The following PNMA6E variants were observed in gnomAD, a reference collection of about 807,000 sequenced individuals.
PNMA6E encodes paraneoplastic antigen Ma6E.
For missense variants in PNMA6E, 78 were observed against 50.8 expected, an observed-to-expected ratio of 1.53 and a Z score of -1.63; for synonymous variants, 43 against 17.1, an observed-to-expected ratio of 2.52 and a Z score of -3.74.
the PNMA6E span, among the ~76,000 whole-genome samples, chrX:153,410,223 G>C: frequency 9.0e-6 from 1 of 111,331 alleles, no homozygotes; most frequent in Non-Finnish European, 1.9e-5. Context: ...CTTGGATTTG[G>C]GGCCCCCTGG....
rs1222856194 is a variant in PNMA6E at position 153,396,528 on chromosome X, G to A, written c.*378C>T. ...AGAGACCCAGGCAGCTGGCAACCTT[G>A]AGAGGGCCTCTTTCCCCCTGTCTCT... On this transcript the variant is annotated 3_prime_UTR_variant, in exon 2 of 2. Coordinates refer to ENST00000445091, the MANE Select transcript of PNMA6E (RefSeq NM_001367770.1). 1 of 117,864 alleles carries A rather than the reference G, an allele frequency of 8.5e-6. No homozygotes were observed. Among genetic ancestry groups the A allele is most frequent in the Non-Finnish European group, 1.8e-5 (1 of 56,918 alleles). 9.7% of individuals were successfully genotyped at this position (117,864 alleles called of 1,213,427 possible). A position where few individuals can be genotyped will look rare whatever the true frequency, so the allele number is the denominator to read the frequency against.
At chrX:153,402,325 T>C (rs1366857866), upstream of PNMA6E, among the ~76,000 whole-genome samples, 2 of 112,054 alleles carry the variant, frequency 1.8e-5, no homozygotes, top group African/African-American at 6.5e-5. Context: ...CCTTTTATTT[T>C]ACCTTTTCAG....
the PNMA6E span, among the ~76,000 whole-genome samples, chrX:153,409,312 T>C: frequency 2.6e-4 from 29 of 112,747 alleles, no homozygotes; most frequent in Non-Finnish European, 5.3e-4. Flanking sequence ...AGGTTCTGAA[T>C]CCGGGTTTGC....
upstream of PNMA6E, among the ~76,000 whole-genome samples, chrX:153,404,482 G>A (rs1364338954): frequency 1.8e-5 from 2 of 110,577 alleles, no homozygotes; most frequent in Non-Finnish European, 3.8e-5. Context: ...ATGAGTCATT[G>A]TTTGTTATTG....
At chrX:153,400,834 T>G in intron 1 of PNMA6E, among the ~76,000 whole-genome samples, 1 of 3,696 alleles carries the variant, frequency 2.7e-4, no homozygotes, top group African/African-American at 1.1e-3. Context: ...GGGAGCCCCC[T>G]CCCGACCCCC....
upstream of PNMA6E, among the ~76,000 whole-genome samples, chrX:153,404,849 G>A (rs1338987485): frequency 1.8e-5 from 2 of 112,205 alleles, no homozygotes; most frequent in African/African-American, 3.2e-5. Flanking sequence ...CCAGCACGGT[G>A]TCCTCTGTGG....
chrX:153,412,684 G>T, the PNMA6E span, among the ~76,000 whole-genome samples: 3 of 111,932 alleles, frequency 2.7e-5, no homozygotes, highest in Admixed American at 1.9e-4. Flanking sequence ...TGAGGCAGGG[G>T]TGGCCTGGCT....
At position 153,401,081 on chromosome X, in the gene PNMA6E, G is replaced by T. The variant is rs782030962; in HGVS notation, c.-72+163C>A. 1.5e-4 allele frequency among the ~76,000 whole-genome samples: 16 copies of T among 105,140 alleles called. No homozygotes were observed. The East Asian group carries it at 4.3e-3, about 28-fold the overall frequency. 91.3% of individuals were successfully genotyped at this position (105,140 alleles called of 115,157 possible). ...GTGACAGCCACGCCGCACCTAAACC[G>T]GGCCAGGCGGGACCGCCGCCCCCCA... On this transcript the variant is annotated intron_variant, in intron 1 of 1. Coordinates refer to ENST00000445091, the MANE Select transcript of PNMA6E (RefSeq NM_001367770.1).
chrX:153,396,733 A>C lies in PNMA6E; in HGVS notation c.*173T>G. The C allele has an allele frequency of 3.5e-6, 1 of 288,054 alleles. No homozygotes were observed. Among genetic ancestry groups the C allele is most frequent in the Non-Finnish European group, 6.1e-6 (1 of 164,531 alleles). 23.7% of individuals were successfully genotyped at this position (288,054 alleles called of 1,213,427 possible). A position where few individuals can be genotyped will look rare whatever the true frequency, so the allele number is the denominator to read the frequency against. ...CTCTCCCCACCCCATTTTGTATCAA[A>C]CGTGGTCATCCGGGTCACAGGGAAG... On this transcript the variant is annotated 3_prime_UTR_variant, in exon 2 of 2. Coordinates refer to ENST00000445091, the MANE Select transcript of PNMA6E (RefSeq NM_001367770.1).
chrX:153,403,414 T>C (rs782432847), upstream of PNMA6E, among the ~76,000 whole-genome samples: 4 of 112,064 alleles, frequency 3.6e-5, no homozygotes, highest in Admixed American at 9.5e-5. Context: ...GTTTGACTTA[T>C]GATTTTTCAA....
At chrX:153,400,338 C>T (rs2088840142) in intron 1 of PNMA6E, among the ~76,000 whole-genome samples, 3 of 112,699 alleles carry the variant, frequency 2.7e-5, no homozygotes, top group African/African-American at 9.7e-5. Flanking sequence ...AGGCAGCCTC[C>T]GGCTCCGCAC....
chrX:153,401,587 G>A (rs1602877654), upstream of PNMA6E, among the ~76,000 whole-genome samples: 1 of 112,099 alleles, frequency 8.9e-6, no homozygotes, highest in South Asian at 3.7e-4. Flanking sequence ...CAGGCACACC[G>A]ATTGACCCTC....
chrX:153,400,486 C>T (rs1372410377), intron 1 of PNMA6E, among the ~76,000 whole-genome samples: 1 of 112,217 alleles, frequency 8.9e-6, no homozygotes, highest in Non-Finnish European at 1.9e-5. Context: ...AGTCTAGCCC[C>T]GGGCAGCAGG....
Position 153,396,026 on chromosome X carries a change from G to A in PNMA6E, c.*880C>T, listed in dbSNP as rs1229932565. 1.7e-5 allele frequency: 2 copies of A among 115,572 alleles called. No homozygotes were observed. Among genetic ancestry groups the A allele is most frequent in the Non-Finnish European group, 3.8e-5 (2 of 53,293 alleles). The allele number at this position is 115,572 out of a possible 1,213,427, so 9.5% of individuals were successfully genotyped here. ...GTAACAACAGGGGTGAAACGCCAAAGCATAGTTCTTGTGGATCCTCACGCA... is the reference window on the plus strand; with the variant it reads ...GTAACAACAGGGGTGAAACGCCAAAACATAGTTCTTGTGGATCCTCACGCA... On this transcript the variant is annotated 3_prime_UTR_variant, in exon 2 of 2. Coordinates refer to ENST00000445091, the MANE Select transcript of PNMA6E (RefSeq NM_001367770.1).
upstream of PNMA6E, among the ~76,000 whole-genome samples, chrX:153,406,371 G>A (rs782612397): frequency 4.4e-5 from 5 of 112,586 alleles, no homozygotes. Flanking sequence ...GTATCTGATT[G>A]GTAGAGCCTG....
At chrX:153,411,443 C>A in the PNMA6E span, among the ~76,000 whole-genome samples, 1 of 112,321 alleles carries the variant, frequency 8.9e-6, no homozygotes, top group Admixed American at 9.2e-5. Flanking sequence ...CAACGCGCCC[C>A]GTTCCCACGC....
At chrX:153,400,201 G>A (rs2088839035) in intron 1 of PNMA6E, among the ~76,000 whole-genome samples, 1 of 112,081 alleles carries the variant, frequency 8.9e-6, no homozygotes, top group Non-Finnish European at 1.9e-5. Flanking sequence ...AACTCCTGTC[G>A]CCATTCCCCA....
At chrX:153,406,578 C>A in the PNMA6E span, among the ~76,000 whole-genome samples, 14 of 112,646 alleles carry the variant, frequency 1.2e-4, no homozygotes, top group Non-Finnish European at 2.6e-4. Flanking sequence ...ACCAATGCTG[C>A]GGAGGCCAGA....
Position 153,398,617 on chromosome X carries a change from A to G in PNMA6E, c.233T>C (p.Ile78Thr). ...EFAEYLNRSL[I>T]PHQIPGNGGP... ...CCCATTGCCTGGTATTTGATGGGGA[A>G]TCAAGCTTCGGTTTAAATACTCAGC... Residue 78 changes from isoleucine to threonine, a missense_variant, in exon 2 of 2, where the codon ATT becomes ACT. By Grantham distance (89) the Ile-to-Thr change is moderately conservative (BLOSUM62 -1). Coordinates refer to ENST00000445091, the MANE Select transcript of PNMA6E (RefSeq NM_001367770.1). 2.9e-6 allele frequency: 1 copy of G among 345,452 alleles called. No homozygotes were observed. The highest frequency in any genetic ancestry group is 5.0e-6 in the Non-Finnish European group (1 of 199,693). 28.5% of individuals were successfully genotyped at this position (345,452 alleles called of 1,213,427 possible). A position where few individuals can be genotyped will look rare whatever the true frequency, so the allele number is the denominator to read the frequency against.
Sources: gnomAD v4.1 joint callset for allele counts (sites outside exome capture counted in the v4.1 genomes callset) on GRCh38, gnomAD v4.1.1 for gene constraint, MANE v1.5 for transcripts, NCBI Gene and HGNC (gene_info 2026-07-23, HGNC 2026-07-21) for gene names.